AK5: variants seen among roughly 807,000 people sequenced by gnomAD.
AK5 encodes the protein adenylate kinase 5.
AK5 carries 27 observed loss-of-function variants against 69.5 expected under a neutral mutation model. The ratio of observed to expected loss-of-function variants is 0.39; its 90% CI spans 0.29 to 0.54. The LOEUF is 0.54. AK5 is among the 20% of genes least tolerant of loss of function. The pLI, the probability that AK5 is intolerant of heterozygous loss-of-function variation, is 0.71. For missense variants in AK5, 531 were observed against 700.4 expected, an observed-to-expected ratio of 0.76 and a Z score of 2.73; for synonymous variants, 260 against 244.4, an observed-to-expected ratio of 1.06 and a Z score of -0.60.
At chr1:77,527,137 G>T (rs1017505897) in intron 12 of AK5, among the ~76,000 whole-genome samples, 5 of 152,102 alleles carry the variant, frequency 3.3e-5, no homozygotes, top group Non-Finnish European at 7.4e-5. Context: ...TATTTAAAAG[G>T]TTTTGTAAAC....
Position 77,282,388 on chromosome 1 carries a change from G to C in AK5, c.60+15G>C. On this transcript the variant is annotated intron_variant, in intron 1 of 13. Transcript: ENST00000354567. ...AGCTTTTTGAGGTAGGGCTAGAGCT[G>C]GCCGACGGGCGGTAGCATCCGGGGA... 6.5e-7 allele frequency: 1 copy of C among 1,540,344 alleles called. No individual in the cohort carries two copies. The highest frequency in any genetic ancestry group is 8.8e-7 in the Non-Finnish European group (1 of 1,142,022).
chr1:77,533,861 C>T (rs1257276925), intron 12 of AK5, among the ~76,000 whole-genome samples: 1 of 152,076 alleles, frequency 6.6e-6, no homozygotes, highest in Non-Finnish European at 1.5e-5. Flanking sequence ...GAACATTAAG[C>T]CGCCTCCCAA....
intron 5 of AK5, among the ~76,000 whole-genome samples, chr1:77,298,922 C>G (rs1570335318): frequency 6.6e-6 from 1 of 152,134 alleles, no homozygotes; most frequent in Non-Finnish European, 1.5e-5. Flanking sequence ...CATCAATACC[C>G]TCCCATTCCG....
intron 10 of AK5, among the ~76,000 whole-genome samples, chr1:77,489,949 CA>C (rs1655874102): frequency 6.6e-6 from 1 of 152,118 alleles, no homozygotes; most frequent in Non-Finnish European, 1.5e-5. Context: ...AATCATGCCC[CA>C]AGGTCAGGGT....
chr1:77,422,113 C>T (rs1334138533), intron 8 of AK5, among the ~76,000 whole-genome samples: 4 of 152,190 alleles, frequency 2.6e-5, no homozygotes, highest in African/African-American at 4.8e-5. Context: ...GACACAAGGG[C>T]GTCTTCCTAG....
chr1:77,354,945 A>G (rs1408506810), intron 6 of AK5, among the ~76,000 whole-genome samples: 2 of 152,254 alleles, frequency 1.3e-5, no homozygotes, highest in Non-Finnish European at 2.9e-5. Flanking sequence ...ATTATAAGAT[A>G]TGATTTTTCC....
At chr1:77,521,441 T>C (rs548063777) in intron 11 of AK5, among the ~76,000 whole-genome samples, 44 of 152,236 alleles carry the variant, frequency 2.9e-4, no homozygotes, top group African/African-American at 9.9e-4. Context: ...GCCAGTAAAA[T>C]ACTTTTTATA....
intron 5 of AK5, among the ~76,000 whole-genome samples, chr1:77,319,720 T>G (rs1349023108): frequency 6.6e-6 from 1 of 152,248 alleles, no homozygotes; most frequent in Non-Finnish European, 1.5e-5. Context: ...AGTTATAATT[T>G]GGATATCTTA....
At chr1:77,512,196 T>A (rs1657388283) in intron 10 of AK5, among the ~76,000 whole-genome samples, 1 of 152,174 alleles carries the variant, frequency 6.6e-6, no homozygotes, top group South Asian at 2.1e-4. Flanking sequence ...ACTAGATACG[T>A]ATATCTTCAC....
intron 5 of AK5, among the ~76,000 whole-genome samples, chr1:77,317,680 C>T (rs1193977544): frequency 2.0e-5 from 3 of 152,120 alleles, no homozygotes; most frequent in Non-Finnish European, 2.9e-5. Flanking sequence ...GTCCTGTGGC[C>T]AGACTAATCT....
At chr1:77,395,566 G>A (rs1473293519) in intron 6 of AK5, among the ~76,000 whole-genome samples, 1 of 152,216 alleles carries the variant, frequency 6.6e-6, no homozygotes, top group Non-Finnish European at 1.5e-5. Flanking sequence ...GTGGCTTGAG[G>A]CAGCAGAAGG....
chr1:77,512,537 C>CT (rs61162386), intron 10 of AK5, among the ~76,000 whole-genome samples: 252 of 151,556 alleles, frequency 1.7e-3, no homozygotes, highest in African/African-American at 5.3e-3. Context: ...ATTTCAGAGA[C>CT]TTTTTTTTTA....
rs193190380 is a variant in AK5 at position 77,466,724 on chromosome 1, G to C, written c.1060-16593G>C. On this transcript the variant is annotated intron_variant, in intron 8 of 13. Transcript: ENST00000354567. ...CTGTTTGCTACGTCCTCACATGTTG[G>C]AACACAGAAGGGCGGCAGAGAACCC... 2.3e-4 allele frequency among the ~76,000 whole-genome samples: 35 copies of C among 152,340 alleles called. No homozygotes were observed. In the East Asian group the frequency reaches 6.0e-3, roughly 26 times the overall value.
At chr1:77,520,950 T>C (rs924926361) in intron 11 of AK5, among the ~76,000 whole-genome samples, 1 of 152,196 alleles carries the variant, frequency 6.6e-6, no homozygotes, top group African/African-American at 2.4e-5. Context: ...GCGTTTTTCC[T>C]CTACCAATTT....
chr1:77,293,575 TG>T, intron 2 of AK5: 1 of 407,042 alleles, frequency 2.5e-6, no homozygotes. Flanking sequence ...CATACTACCA[TG>T]GCCAAGTTGA....
chr1:77,398,154 T>C (rs1339934567), intron 6 of AK5, among the ~76,000 whole-genome samples: 1 of 152,104 alleles, frequency 6.6e-6, no homozygotes, highest in Non-Finnish European at 1.5e-5. Context: ...ATGAATCACA[T>C]GGACTTAAAC....
At chr1:77,532,432 C>T (rs1658700051) in intron 12 of AK5, 1 of 152,296 alleles carries the variant, frequency 6.6e-6, no homozygotes, top group Non-Finnish European at 1.5e-5. Context: ...CTTGCCCAAA[C>T]TTCATTCTGA....
At chr1:77,547,001 A>C (rs1007225600) in intron 13 of AK5, among the ~76,000 whole-genome samples, 1 of 152,248 alleles carries the variant, frequency 6.6e-6, no homozygotes, top group Non-Finnish European at 1.5e-5. Context: ...AAGTCGTGGC[A>C]GATGAGACTA....
intron 8 of AK5, among the ~76,000 whole-genome samples, chr1:77,440,098 A>AATG (rs1041678432): frequency 6.6e-6 from 1 of 151,838 alleles, no homozygotes; most frequent in Non-Finnish European, 1.5e-5. Context: ...GTTTTTTCGT[A>AATG]ATGATGATGA....
Sources: allele counts gnomAD v4.1 joint callset (sites outside exome capture counted in the v4.1 genomes callset), GRCh38; gene constraint gnomAD v4.1.1; transcripts MANE v1.5; gene names NCBI Gene and HGNC (gene_info 2026-07-23, HGNC 2026-07-21).